Variants in DCAF5 observed in about 807,000 individuals in gnomAD.
DCAF5 encodes the protein DDB1- and CUL4-associated factor 5.
A neutral mutation model predicts 80.7 loss-of-function variants in DCAF5; 9 were observed. That is an observed-to-expected ratio of 0.11 (90% CI 0.07 to 0.19). The LOEUF is 0.19. Among genes scored for constraint, DCAF5 ranks in the 10% least tolerant of loss-of-function variants. The pLI, the probability that DCAF5 is intolerant of heterozygous loss-of-function variation, is 1.00. For synonymous variants in DCAF5, 433 were observed against 461.9 expected (o/e 0.94, Z 0.80); for missense variants, 842 against 1,205.7 (o/e 0.70, Z 4.47).
At chr14:69,135,601 T>C (rs1033603529) in intron 1 of DCAF5, among the ~76,000 whole-genome samples, 6 of 152,218 alleles carry the variant, frequency 3.9e-5, no homozygotes, top group African/African-American at 1.4e-4. Context: ...TTGCTAATAT[T>C]TTCTCAAAAA....
chr14:69,124,829 G>A (rs1179281335), intron 1 of DCAF5, among the ~76,000 whole-genome samples: 3 of 152,092 alleles, frequency 2.0e-5, no homozygotes, highest in African/African-American at 4.8e-5. Flanking sequence ...CTGAGGCTGT[G>A]AGTCAGTGAC....
intron 6 of DCAF5, among the ~76,000 whole-genome samples, chr14:69,080,260 T>C (rs937590583): frequency 5.9e-5 from 9 of 152,040 alleles, no homozygotes; most frequent in Admixed American, 1.3e-4. Context: ...CTCAGGCTGG[T>C]TGGGGCCACT....
intron 5 of DCAF5, among the ~76,000 whole-genome samples, chr14:69,101,942 G>A (rs1470764878): frequency 1.3e-5 from 2 of 152,136 alleles, no homozygotes; most frequent in Admixed American, 1.3e-4. Flanking sequence ...TGCAGGACTG[G>A]AAGTTGCTCT....
In DCAF5 at chr14:69,118,261, A is replaced by G; in HGVS notation, c.413T>C (p.Val138Ala). The G allele has an allele frequency of 6.2e-7, 1 of 1,613,848 alleles. No homozygotes were observed. Residue 138 changes from valine to alanine, a missense_variant, in exon 4 of 9, where the codon GTG becomes GCG. By Grantham distance (64) the Val-to-Ala change is moderately conservative (BLOSUM62 0). Around this residue, in one of 5 missense-constraint regions of DCAF5, gnomAD observed 142 missense variants for 311.9 expected, o/e 0.46. Coordinates refer to ENST00000341516, the MANE Select transcript of DCAF5 (RefSeq NM_003861.3). The surrounding 1 kb of genome is among the most constrained non-coding windows in gnomAD (Gnocchi z 4.0). The part of the protein sequence containing the change: ...HDVESSETLD[V>A]FAHEDAVYGL... ...ATATACTGCATCTTCATGAGCAAAC[A>G]CGTCCAATGTCTCACTGCTGGGAGA... is the stretch of plus-strand genomic sequence containing the variant.
At chr14:69,059,851 C>T (rs938189411) in intron 8 of DCAF5, among the ~76,000 whole-genome samples, 1 of 152,148 alleles carries the variant, frequency 6.6e-6, no homozygotes, top group Non-Finnish European at 1.5e-5. Context: ...GGTTCAGATC[C>T]CATGCAAACT....
At chr14:69,114,070 T>C (rs1311555900) in intron 5 of DCAF5, among the ~76,000 whole-genome samples, 1 of 152,178 alleles carries the variant, frequency 6.6e-6, no homozygotes, top group Non-Finnish European at 1.5e-5. Context: ...CCCATAATAC[T>C]AGCAATAGTT....
At chr14:69,074,358 T>C (rs567595921) in intron 7 of DCAF5, among the ~76,000 whole-genome samples, 5 of 151,992 alleles carry the variant, frequency 3.3e-5, no homozygotes, top group Admixed American at 6.6e-5. Context: ...AAGACACTAT[T>C]ATCAAAAATG....
intron 1 of DCAF5, among the ~76,000 whole-genome samples, chr14:69,151,192 T>A (rs2140135846): frequency 6.6e-6 from 1 of 152,260 alleles, no homozygotes; most frequent in African/African-American, 2.4e-5. Flanking sequence ...GGAAGGAGGC[T>A]TTTGTCTGAA....
In DCAF5 at chr14:69,119,086, A is replaced by C. The variant is rs565671794; in HGVS notation, c.395+108T>G. The C allele has an allele frequency of 6.7e-6, 7 of 1,040,180 alleles. No homozygotes were observed. The East Asian group carries it at 1.6e-4, about 24-fold the overall frequency. 64.4% of individuals were successfully genotyped at this position (1,040,180 alleles called of 1,614,324 possible). On this transcript the variant is annotated intron_variant, in intron 3 of 8. Coordinates refer to ENST00000341516, the MANE Select transcript of DCAF5 (RefSeq NM_003861.3). ...TTTTTAGAAAAGAACAGCTGGTTTC[A>C]TGTTGTTTTTTTCAAAAAACAAAAA...
chr14:69,099,251 A>AACACACACAC (rs60913200), intron 5 of DCAF5, among the ~76,000 whole-genome samples: 443 of 124,344 alleles, frequency 3.6e-3, no homozygotes, highest in South Asian at 8.9e-3. Context: ...ACTCTGTCTC[A>AACACACACAC]ACACACACAC....
chr14:69,083,487 C>A (rs1012333020), intron 6 of DCAF5: 38 of 328,458 alleles, frequency 1.2e-4, no homozygotes, highest in African/African-American at 8.3e-4. Flanking sequence ...TGCAGGGGGC[C>A]TCAAATCTGA....
intron 5 of DCAF5, among the ~76,000 whole-genome samples, chr14:69,095,900 G>A (rs1382194460): frequency 1.3e-5 from 2 of 152,054 alleles, no homozygotes; most frequent in East Asian, 1.9e-4. Context: ...GCTTGGGGTC[G>A]AGGCACTACT....
At chr14:69,085,082 GATTCAAAA>G (rs1158760270) in intron 6 of DCAF5, 1 of 1,009,946 alleles carries the variant, frequency 9.9e-7, no homozygotes, top group Non-Finnish European at 1.6e-6. Context: ...TTGAGAAATT[GATTCAAAA>G]GAACTACTTT....
intron 8 of DCAF5, among the ~76,000 whole-genome samples, chr14:69,058,656 C>T (rs2038077652): frequency 6.6e-6 from 1 of 152,008 alleles, no homozygotes; most frequent in Non-Finnish European, 1.5e-5. Flanking sequence ...AGGAGGATCG[C>T]TTGAGCCCAG....
At chr14:69,116,262 G>A in intron 5 of DCAF5, 104 bp downstream of exon 5, 2 of 1,362,192 alleles carry the variant, frequency 1.5e-6, no homozygotes, top group Non-Finnish European at 2.0e-6. Flanking sequence ...ATGCCCAGCA[G>A]AGATAACTGC....
intron 8 of DCAF5, among the ~76,000 whole-genome samples, chr14:69,056,197 C>T (rs940112517): frequency 6.6e-6 from 1 of 152,234 alleles, no homozygotes; most frequent in East Asian, 1.9e-4. Flanking sequence ...GAATAGCCAA[C>T]TGCCTACACT....
intron 8 of DCAF5, among the ~76,000 whole-genome samples, chr14:69,060,498 G>T (rs559996113): frequency 5.9e-5 from 9 of 151,944 alleles, no homozygotes; most frequent in Non-Finnish European, 1.3e-4. Flanking sequence ...TGGACTAAGG[G>T]CAAATAAAAA....
chr14:69,083,545 G>T, intron 6 of DCAF5: 1 of 377,976 alleles, frequency 2.6e-6, no homozygotes, highest in Non-Finnish European at 5.1e-6. Flanking sequence ...AACAACGGGA[G>T]GTGGAAAGGT....
intron 8 of DCAF5, among the ~76,000 whole-genome samples, chr14:69,060,274 G>A (rs1213805519): frequency 6.6e-6 from 1 of 152,210 alleles, no homozygotes; most frequent in African/African-American, 2.4e-5. Flanking sequence ...GGCAAATGTG[G>A]TGGTGACTGG....
Sources: gnomAD v4.1 joint callset for allele counts (sites outside exome capture counted in the v4.1 genomes callset) on GRCh38, gnomAD v4.1.1 for gene constraint, gnomAD v4.1.1 regional missense constraint, Gnocchi (gnomAD v3.1) non-coding constraint, MANE v1.5 for transcripts, NCBI Gene and HGNC (gene_info 2026-07-23, HGNC 2026-07-21) for gene names.